Variants in UBE2O observed in about 807,000 individuals in gnomAD.
UBE2O encodes the protein (E3-independent) E2 ubiquitin-conjugating enzyme.
Under a neutral mutation model 125.8 loss-of-function variants are expected in UBE2O, and 15 were observed. The observed-to-expected ratio is 0.12, with a 90% CI of 0.08 to 0.18. UBE2O has a LOEUF of 0.18. Among genes scored for constraint, UBE2O ranks in the 10% least tolerant of loss-of-function variants. The pLI is 1.00. For synonymous variants in UBE2O, 708 were observed against 703.2 expected (o/e 1.01, Z -0.11); for missense variants, 1,280 against 1,723.6 (o/e 0.74, Z 4.56).
rs1398301688 is a variant in UBE2O at position 76,452,006 on chromosome 17, T to TC, written c.417+718dup. Among the ~76,000 whole-genome samples the TC allele has an allele frequency of 6.6e-6, 1 of 152,000 alleles. No homozygotes were observed. Among genetic ancestry groups the TC allele is most frequent in the Non-Finnish European group, 1.5e-5 (1 of 68,010 alleles). Reference sequence around the variant, plus strand: ...ACCTTCGGGTTTCCAAATTGGTGACTCCCCTCTACCCAGGGTTCTGGATTA... The same window carrying TC: ...ACCTTCGGGTTTCCAAATTGGTGACTCCCCCTCTACCCAGGGTTCTGGATTA... On this transcript the variant is annotated intron_variant, in intron 1 of 17. Transcript: ENST00000319380. The surrounding 1 kb of genome is among the most constrained non-coding windows in gnomAD (Gnocchi z 4.4).
chr17:76,415,728 C>T (rs1051263843), intron 1 of UBE2O, among the ~76,000 whole-genome samples: 2 of 151,504 alleles, frequency 1.3e-5, no homozygotes, highest in African/African-American at 2.4e-5. Context: ...TTGCTTGGAC[C>T]CAGGAGGTGG....
intron 1 of UBE2O, among the ~76,000 whole-genome samples, chr17:76,423,200 G>A (rs2072737836): frequency 6.6e-6 from 1 of 152,088 alleles, no homozygotes; most frequent in Non-Finnish European, 1.5e-5. Flanking sequence ...GCTGAGGAAG[G>A]GTCTCTTTTC....
chr17:76,442,518 T>C (rs141268814), intron 1 of UBE2O, among the ~76,000 whole-genome samples: 12 of 152,386 alleles, frequency 7.9e-5, no homozygotes, highest in African/African-American at 2.9e-4. Flanking sequence ...AGAGTCTGCA[T>C]GTGCGTGATA....
At chr17:76,445,984 G>T (rs74797237) in intron 1 of UBE2O, among the ~76,000 whole-genome samples, 3,880 of 152,266 alleles carry the variant, frequency 0.025, 48 homozygotes, top group African/African-American at 0.04. Context: ...CCTCAGGAAG[G>T]AGCTACAGTT....
At chr17:76,401,181 T>A in intron 5 of UBE2O, 27 bp from the exon 6 acceptor site, 3 of 1,610,826 alleles carry the variant, frequency 1.9e-6, no homozygotes, top group Non-Finnish European at 2.5e-6. Flanking sequence ...CAAAGGAAAG[T>A]CCCCGTGAGC....
chr17:76,443,865 A>G (rs2143904693), intron 1 of UBE2O, among the ~76,000 whole-genome samples: 1 of 152,322 alleles, frequency 6.6e-6, no homozygotes, highest in East Asian at 1.9e-4. Flanking sequence ...ACAAAAGGCA[A>G]AAAAGAGAAA....
At chr17:76,437,515 T>C (rs2073018230) in intron 1 of UBE2O, among the ~76,000 whole-genome samples, 1 of 151,420 alleles carries the variant, frequency 6.6e-6, no homozygotes, top group Non-Finnish European at 1.5e-5. Flanking sequence ...GTATCCTGGA[T>C]TGGATCCTGG....
In UBE2O at chr17:76,414,535, A is replaced by C. The variant is rs547697697; in HGVS notation, c.418-8963T>G. The stretch of plus-strand genomic sequence containing the variant: ...GAACTGCACACCAGGGACAGCCCCC[A>C]CGCCCTCACCCCTGACACCCTCTCT... On this transcript the variant is annotated intron_variant, in intron 1 of 17. Coordinates refer to ENST00000319380, the MANE Select transcript of UBE2O (RefSeq NM_022066.4). 7.4e-4 allele frequency among the ~76,000 whole-genome samples: 112 copies of C among 152,300 alleles called. 3 individuals are homozygous for C. Among genetic ancestry groups the C allele is most frequent in the Admixed American group, 6.5e-3 (99 of 15,294 alleles).
intron 1 of UBE2O, among the ~76,000 whole-genome samples, chr17:76,434,935 C>G (rs1015543013): frequency 6.6e-6 from 1 of 151,996 alleles, no homozygotes; most frequent in African/African-American, 2.4e-5. Flanking sequence ...GGGGCTCGGG[C>G]GCGCCCATCC....
In UBE2O at chr17:76,405,271, C is replaced by T. The variant is rs376566042; in HGVS notation, c.523G>A (p.Val175Ile). 1.9e-5 allele frequency: 30 copies of T among 1,613,380 alleles called. No individual in the cohort carries two copies. The highest frequency in any genetic ancestry group is 1.7e-4 in the Middle Eastern group (1 of 6,058). Residue 175 changes from valine (V) to isoleucine (I), a missense_variant, in exon 3 of 18, where the codon GTC (valine) becomes ATC (isoleucine). By Grantham distance (29) the Val-to-Ile change is conservative. This residue lies in a region of UBE2O where 206 missense variants were observed against 315.7 expected (regional missense o/e 0.65). Coordinates refer to ENST00000319380, the MANE Select transcript of UBE2O (RefSeq NM_022066.4). The surrounding 1 kb of genome is among the most constrained non-coding windows in gnomAD (Gnocchi z 6.1). Reference protein sequence around the residue: ...TVIDVNIDCAVKLIGTNCIIY... With the variant: ...TVIDVNIDCAIKLIGTNCIIY... ...ATGCAGTTGGTGCCGATGAGCTTGA[C>T]GGCACAGTCGATGTTGACGTCGATC...
intron 1 of UBE2O, among the ~76,000 whole-genome samples, chr17:76,442,868 G>A (rs2073095891): frequency 6.6e-6 from 1 of 152,184 alleles, no homozygotes; most frequent in Non-Finnish European, 1.5e-5. Context: ...GCTACACAGT[G>A]CAGGCATGAG....
intron 1 of UBE2O, among the ~76,000 whole-genome samples, chr17:76,422,717 A>T (rs2072732267): frequency 6.6e-6 from 1 of 152,090 alleles, no homozygotes; most frequent in African/African-American, 2.4e-5. Context: ...TTCTCTGGCC[A>T]CCCTGTCTGG....
At chr17:76,439,551 A>G (rs1344093410) in intron 1 of UBE2O, among the ~76,000 whole-genome samples, 1 of 152,208 alleles carries the variant, frequency 6.6e-6, no homozygotes, top group African/African-American at 2.4e-5. Flanking sequence ...ATGCCCAGGC[A>G]TTCTTGGTTT....
intron 1 of UBE2O, among the ~76,000 whole-genome samples, chr17:76,450,548 T>C (rs1249669693): frequency 6.6e-6 from 1 of 152,050 alleles, no homozygotes; most frequent in Non-Finnish European, 1.5e-5. Flanking sequence ...AAAACGGATT[T>C]CAACAAATTC....
At chr17:76,420,848 C>T (rs889537666) in intron 1 of UBE2O, among the ~76,000 whole-genome samples, 71 of 152,234 alleles carry the variant, frequency 4.7e-4, no homozygotes, top group African/African-American at 1.6e-3. Context: ...GACAGGCTGA[C>T]CCCAGTGAGT....
intron 1 of UBE2O, among the ~76,000 whole-genome samples, chr17:76,437,125 G>A (rs1346408870): frequency 6.7e-6 from 1 of 149,912 alleles, no homozygotes; most frequent in Non-Finnish European, 1.5e-5. Flanking sequence ...CTCCAGCCTG[G>A]GCAACAAAGT....
intron 1 of UBE2O, among the ~76,000 whole-genome samples, chr17:76,437,149 TA>T (rs35867938): frequency 0.012 from 1,610 of 129,026 alleles, 24 homozygotes; most frequent in African/African-American, 0.041. Context: ...ACTCCATCTT[TA>T]AAAAAAAAAA....
rs1424629941 is a variant in UBE2O, at chr17:76,402,751, C to T, written c.589-52G>A. 2 of 1,460,954 alleles carry T rather than the reference C, an allele frequency of 1.4e-6. No homozygotes were observed. Among genetic ancestry groups the T allele is most frequent in the South Asian group, 2.3e-5 (2 of 88,046 alleles). The allele number at this position is 1,460,954 out of a possible 1,614,324, so 90.5% of individuals were successfully genotyped here. ...GAGACACAGCAGACAACGTTCATGT[C>T]CAGGGCACAGATTCCTCTATGCCCC... On this transcript the variant is annotated intron_variant, in intron 3 of 17. Coordinates refer to ENST00000319380, the MANE Select transcript of UBE2O (RefSeq NM_022066.4). The surrounding 1 kb of genome is among the most constrained non-coding windows in gnomAD (Gnocchi z 5.4).
At chr17:76,440,431 G>A (rs1015519540) in intron 1 of UBE2O, among the ~76,000 whole-genome samples, 2 of 152,212 alleles carry the variant, frequency 1.3e-5, no homozygotes, top group African/African-American at 4.8e-5. Context: ...GGACTCAAGC[G>A]ATCCTCTCAC....
Sources: gnomAD v4.1 joint callset for allele counts (sites outside exome capture counted in the v4.1 genomes callset) on GRCh38, gnomAD v4.1.1 for gene constraint, gnomAD v4.1.1 regional missense constraint, Gnocchi (gnomAD v3.1) non-coding constraint, MANE v1.5 for transcripts, NCBI Gene and HGNC (gene_info 2026-07-23, HGNC 2026-07-21) for gene names.